The following CFAP299 variants were observed in gnomAD, a reference collection of about 807,000 sequenced individuals.
CFAP299 encodes the protein cilia and flagella associated protein 299.
A neutral mutation model predicts 27.0 loss-of-function variants in CFAP299; 21 were observed. That is an observed-to-expected ratio of 0.78 (90% confidence interval 0.55 to 1.12). The LOEUF (loss-of-function observed/expected upper bound fraction) is 1.12. Among genes scored for constraint, CFAP299 ranks in the 50% most tolerant of loss-of-function variants. CFAP299 has a pLI of 0.00. For synonymous variants in CFAP299, 104 were observed against 98.1 expected, an observed-to-expected ratio of 1.06 and a Z score of -0.36; for missense variants, 310 against 276.6, an observed-to-expected ratio of 1.12 and a Z score of -0.86.
At chr4:80,616,601 A>G (rs942513826) in intron 3 of CFAP299, among the ~76,000 whole-genome samples, 1 of 151,974 alleles carries the variant, frequency 6.6e-6, no homozygotes, top group Non-Finnish European at 1.5e-5. Context: ...GACTCCTGAC[A>G]CTCAGACAAT....
intron 4 of CFAP299, among the ~76,000 whole-genome samples, chr4:80,923,100 A>G (rs570876506): frequency 2.0e-5 from 3 of 152,020 alleles, no homozygotes; most frequent in South Asian, 2.1e-4. Context: ...CCAAGGGGGA[A>G]CATTTGCTAG....
At chr4:80,334,512 G>T (rs1578324238), upstream of CFAP299, among the ~76,000 whole-genome samples, 3 of 152,012 alleles carry the variant, frequency 2.0e-5, no homozygotes, top group Admixed American at 2.0e-4. Flanking sequence ...TCCTGACCTC[G>T]TGATCCACCC....
At chr4:80,873,840 A>G (rs115616223) in intron 4 of CFAP299, among the ~76,000 whole-genome samples, 131 of 152,342 alleles carry the variant, frequency 8.6e-4, no homozygotes, top group African/African-American at 2.9e-3. Flanking sequence ...CTCAGATAGG[A>G]TAATCAAGAG....
At chr4:80,787,634 A>G (rs921333134) in intron 3 of CFAP299, among the ~76,000 whole-genome samples, 1 of 152,020 alleles carries the variant, frequency 6.6e-6, no homozygotes, top group Admixed American at 6.6e-5. Flanking sequence ...AGAAACATCA[A>G]TTCCAAGCCC....
chr4:80,324,843 C>T, the CFAP299 span, among the ~76,000 whole-genome samples: 1 of 152,172 alleles, frequency 6.6e-6, no homozygotes, highest in South Asian at 2.1e-4. Flanking sequence ...GAATCAGAGG[C>T]TGGGAGTGGT....
intron 2 of CFAP299, among the ~76,000 whole-genome samples, chr4:80,481,503 A>G (rs186011267): frequency 3.8e-4 from 58 of 152,178 alleles, no homozygotes; most frequent in African/African-American, 1.4e-3. Context: ...GGCTTTTTAA[A>G]TCACATATGA....
chr4:80,870,181 C>A (rs556633253), intron 4 of CFAP299, 46 bp downstream of exon 4: 3 of 1,546,480 alleles, frequency 1.9e-6, no homozygotes, highest in South Asian at 2.5e-5. Flanking sequence ...GGGACAAAGA[C>A]TTTTTATTTT....
At chr4:80,695,374 C>G (rs766786600) in intron 3 of CFAP299, among the ~76,000 whole-genome samples, 1 of 152,126 alleles carries the variant, frequency 6.6e-6, no homozygotes, top group Non-Finnish European at 1.5e-5. Context: ...TAATCTTATT[C>G]CAGAAATAAC....
chr4:80,373,009 C>G (rs1377761468), intron 2 of CFAP299, among the ~76,000 whole-genome samples: 1 of 152,182 alleles, frequency 6.6e-6, no homozygotes, highest in Non-Finnish European at 1.5e-5. Flanking sequence ...CTTGGAGGAG[C>G]TTGTGGTAGT....
chr4:80,924,688 G>A (rs1736220611), intron 4 of CFAP299, among the ~76,000 whole-genome samples: 1 of 151,150 alleles, frequency 6.6e-6, no homozygotes, highest in Non-Finnish European at 1.5e-5. Context: ...TTTCCAAGGT[G>A]TATAACTTGT....
At chr4:80,538,072 T>C (rs755643301) in intron 2 of CFAP299, among the ~76,000 whole-genome samples, 38 of 152,130 alleles carry the variant, frequency 2.5e-4, no homozygotes, top group Non-Finnish European at 1.2e-4. Flanking sequence ...ATAATGGAGC[T>C]GAAAAATTTG....
At chr4:80,358,974 A>G (rs1392459801) in intron 1 of CFAP299, among the ~76,000 whole-genome samples, 3 of 152,056 alleles carry the variant, frequency 2.0e-5, no homozygotes, top group Non-Finnish European at 4.4e-5. Context: ...TCCTTTCCAT[A>G]TTTATTGCTT....
At chr4:80,818,929 T>A (rs1286466152) in intron 3 of CFAP299, among the ~76,000 whole-genome samples, 2 of 151,996 alleles carry the variant, frequency 1.3e-5, no homozygotes, top group Non-Finnish European at 2.9e-5. Context: ...GAAAAGAAAA[T>A]AACTTCTCAG....
At chr4:80,534,595 T>C (rs967030876) in intron 2 of CFAP299, among the ~76,000 whole-genome samples, 7 of 152,176 alleles carry the variant, frequency 4.6e-5, no homozygotes, top group Non-Finnish European at 8.8e-5. Context: ...TAGCAGTCAA[T>C]TGGATATAAA....
At chr4:80,812,305 G>A (rs1729195759) in intron 3 of CFAP299, among the ~76,000 whole-genome samples, 1 of 151,982 alleles carries the variant, frequency 6.6e-6, no homozygotes, top group African/African-American at 2.4e-5. Context: ...CTGCAGGTGT[G>A]GGTGCACACA....
chr4:80,511,044 T>C (rs1732272223), intron 2 of CFAP299, among the ~76,000 whole-genome samples: 1 of 152,172 alleles, frequency 6.6e-6, no homozygotes, highest in South Asian at 2.1e-4. Context: ...ATTAATACTT[T>C]GGTCTAATTT....
intron 2 of CFAP299, among the ~76,000 whole-genome samples, chr4:80,379,100 A>T (rs1420154896): frequency 2.2e-4 from 34 of 152,076 alleles, no homozygotes. Flanking sequence ...GCTTATAACT[A>T]CAAACTCTAT....
At chr4:80,412,574 G>C (rs377008462) in intron 2 of CFAP299, among the ~76,000 whole-genome samples, 1 of 152,150 alleles carries the variant, frequency 6.6e-6, no homozygotes, top group Non-Finnish European at 1.5e-5. Flanking sequence ...GCCTCAGAGA[G>C]AGAAAGCTGA....
chr4:80,532,289 T>C lies in CFAP299; in HGVS notation c.243-50804T>C, dbSNP rs572575805. ...TTTTTAAATAAGACAAATTAGCATG[T>C]AGAAGGATGCAGCATTTTTCTAGGT... On this transcript the variant is annotated intron_variant, in intron 2 of 5. Transcript: ENST00000358105. Among the ~76,000 whole-genome samples, 426 of 152,306 alleles carry C rather than the reference T, an allele frequency of 2.8e-3. 1 individual carries two copies. Among genetic ancestry groups the C allele is most frequent in the Non-Finnish European group, 3.1e-3 (211 of 68,028 alleles).
Sources: allele counts gnomAD v4.1 joint callset (sites outside exome capture counted in the v4.1 genomes callset), GRCh38; gene constraint gnomAD v4.1.1; transcripts MANE v1.5; gene names NCBI Gene and HGNC (gene_info 2026-07-23, HGNC 2026-07-21).